The following CSMD1 variants were observed in gnomAD, a reference collection of about 807,000 sequenced individuals.
CSMD1 encodes the protein CUB and Sushi multiple domains 1.
In CSMD1, 213 loss-of-function variants were observed where a neutral mutation model predicts 417.5. The ratio of observed to expected loss-of-function variants is 0.51; its 90% CI spans 0.46 to 0.57. The LOEUF is 0.57. Ranked by LOEUF, CSMD1 falls within the 20% of genes least tolerant of loss-of-function variation. The pLI is 0.00. For missense variants in CSMD1, 6,923 were observed against 4,529.7 expected, an observed-to-expected ratio of 1.53 and a Z score of -15.17; for synonymous variants, 2,862 against 1,736.8, an observed-to-expected ratio of 1.65 and a Z score of -16.11.
chr8:4,393,336 G>A (rs576383508), intron 3 of CSMD1, among the ~76,000 whole-genome samples: 4 of 152,236 alleles, frequency 2.6e-5, no homozygotes, highest in Non-Finnish European at 5.9e-5. Context: ...AGTTGAGGCA[G>A]CAGAAAAATC....
At chr8:4,197,614 C>T (rs759356566) in intron 3 of CSMD1, among the ~76,000 whole-genome samples, 1 of 152,180 alleles carries the variant, frequency 6.6e-6, no homozygotes, top group Non-Finnish European at 1.5e-5. Flanking sequence ...CATGGTGGCT[C>T]ATGCCTGAAA....
chr8:4,878,072 G>T (rs1305133387), intron 1 of CSMD1, among the ~76,000 whole-genome samples: 1 of 152,084 alleles, frequency 6.6e-6, no homozygotes, highest in Non-Finnish European at 1.5e-5. Flanking sequence ...TCTGTAAAAT[G>T]ATGCCATTGT....
At chr8:4,402,001 T>C (rs1804676855) in intron 3 of CSMD1, among the ~76,000 whole-genome samples, 1 of 151,936 alleles carries the variant, frequency 6.6e-6, no homozygotes, top group Non-Finnish European at 1.5e-5. Flanking sequence ...CCTGCCACAT[T>C]CCTGCTGCTA....
chr8:3,348,597 T>C (rs1191697266), intron 21 of CSMD1, among the ~76,000 whole-genome samples: 1 of 152,192 alleles, frequency 6.6e-6, no homozygotes, highest in African/African-American at 2.4e-5. Flanking sequence ...TGACATCTTA[T>C]GGCATCAACT....
intron 1 of CSMD1, among the ~76,000 whole-genome samples, chr8:4,793,133 G>A (rs954027813): frequency 2.6e-5 from 4 of 151,934 alleles, no homozygotes; most frequent in Non-Finnish European, 4.4e-5. Flanking sequence ...AGCATAACAG[G>A]TCAGCAGGTA....
chr8:3,287,966 A>T (rs1477315709), intron 25 of CSMD1, among the ~76,000 whole-genome samples: 1 of 146,696 alleles, frequency 6.8e-6, no homozygotes, highest in Non-Finnish European at 1.5e-5. Context: ...TATTATTTTG[A>T]GATACGTCCC....
chr8:3,970,214 G>T (rs1812987586), intron 5 of CSMD1, among the ~76,000 whole-genome samples: 1 of 152,072 alleles, frequency 6.6e-6, no homozygotes, highest in Admixed American at 6.6e-5. Flanking sequence ...CAAACTAAAT[G>T]CATGCCCAGA....
chr8:3,623,029 C>T (rs1022729110), intron 7 of CSMD1, among the ~76,000 whole-genome samples: 4 of 152,162 alleles, frequency 2.6e-5, no homozygotes, highest in African/African-American at 4.8e-5. Flanking sequence ...TAAGTCAAAA[C>T]CCTGTAGTTA....
At chr8:3,727,811 C>T (rs1802581929) in intron 6 of CSMD1, among the ~76,000 whole-genome samples, 1 of 152,098 alleles carries the variant, frequency 6.6e-6, no homozygotes, top group Non-Finnish European at 1.5e-5. Context: ...AGGTACATGC[C>T]ACAGATGGGT....
chr8:4,481,277 C>T (rs1016375579), intron 2 of CSMD1, among the ~76,000 whole-genome samples: 1 of 152,218 alleles, frequency 6.6e-6, no homozygotes, highest in African/African-American at 2.4e-5. Context: ...TCCTGCTGTG[C>T]CAGCCCTATC....
chr8:4,354,372 G>C (rs1184926131), intron 3 of CSMD1, among the ~76,000 whole-genome samples: 1 of 152,106 alleles, frequency 6.6e-6, no homozygotes, highest in Non-Finnish European at 1.5e-5. Flanking sequence ...TCACAAACCT[G>C]GTCATTTCGT....
intron 23 of CSMD1, among the ~76,000 whole-genome samples, chr8:3,311,227 G>C (rs1805318884): frequency 6.6e-6 from 1 of 152,066 alleles, no homozygotes; most frequent in African/African-American, 2.4e-5. Context: ...GTTGACATGA[G>C]ATAGTCCTCC....
Position 3,214,666 on chromosome 8 carries a change from G to A in CSMD1, c.4698C>T (p.Asp1566=), listed in dbSNP as rs1347702441. Residue 1566 remains aspartate (D), a synonymous_variant, in exon 30 of 70, where the codon GAC becomes GAT. Coordinates refer to ENST00000635120, the MANE Select transcript of CSMD1 (RefSeq NM_033225.6). ...TTGTCCCATTCATTATATTTCCTGGGTCAAAACAAGCTTCCCGTGGTTTCT... is the reference window on the plus strand; with the variant it reads ...TTGTCCCATTCATTATATTTCCTGGATCAAAACAAGCTTCCCGTGGTTTCT... The part of the protein sequence containing the change: ...FKEKPREACF[D]PGNIMNGTRV... The A allele has an allele frequency of 6.4e-7, 1 of 1,551,116 alleles. No homozygotes were observed. The highest frequency in any genetic ancestry group is 1.4e-5 in the African/African-American group (1 of 73,030).
intron 2 of CSMD1, among the ~76,000 whole-genome samples, chr8:4,542,747 A>C (rs935594020): frequency 6.6e-6 from 1 of 152,240 alleles, no homozygotes; most frequent in African/African-American, 2.4e-5. Flanking sequence ...GAAAAAAATA[A>C]GTGAAAGTAC....
intron 1 of CSMD1, among the ~76,000 whole-genome samples, chr8:4,713,823 C>T (rs925157694): frequency 5.3e-5 from 8 of 152,108 alleles, no homozygotes; most frequent in Admixed American, 5.2e-4. Flanking sequence ...TGCATGCTTT[C>T]TTCTGTCCTT....
intron 6 of CSMD1, among the ~76,000 whole-genome samples, chr8:3,712,234 A>T (rs73185369): frequency 0.33 from 50,018 of 151,792 alleles, 8,422 homozygotes; most frequent in East Asian, 0.49. Flanking sequence ...TTGTGGGTCC[A>T]GGGTCCACCC....
chr8:3,779,830 C>A (rs1032268258), intron 5 of CSMD1, among the ~76,000 whole-genome samples: 10 of 152,140 alleles, frequency 6.6e-5, no homozygotes, highest in African/African-American at 2.4e-4. Flanking sequence ...TTAATAGGGA[C>A]AGGAAAAATA....
chr8:3,915,573 T>A (rs940342858), intron 5 of CSMD1, among the ~76,000 whole-genome samples: 3 of 151,710 alleles, frequency 2.0e-5, no homozygotes, highest in East Asian at 1.9e-4. Flanking sequence ...AATTCTATAA[T>A]AGTCAGACAT....
intron 30 of CSMD1, among the ~76,000 whole-genome samples, chr8:3,206,151 G>A (rs1372324343): frequency 6.6e-6 from 1 of 151,152 alleles, no homozygotes; most frequent in African/African-American, 2.4e-5. Context: ...CTCTTCCTAT[G>A]AGTTCAATTT....
Sources: allele counts gnomAD v4.1 joint callset (sites outside exome capture counted in the v4.1 genomes callset), GRCh38; gene constraint gnomAD v4.1.1; transcripts MANE v1.5; gene names NCBI Gene and HGNC (gene_info 2026-07-23, HGNC 2026-07-21).